The following KCNQ3 variants were observed in gnomAD, a reference collection of about 807,000 sequenced individuals.
KCNQ3 encodes potassium voltage-gated channel subfamily KQT member 3.
KCNQ3 carries 30 observed loss-of-function variants against 92.5 expected under a neutral mutation model. The observed-to-expected ratio is 0.32, with a 90% CI of 0.24 to 0.44. The LOEUF (loss-of-function observed/expected upper bound fraction) is 0.44, where lower values mean the gene tolerates loss of function less well. Among genes scored for constraint, KCNQ3 ranks in the 20% least tolerant of loss-of-function variants. The pLI is 1.00. For missense variants in KCNQ3, 913 were observed against 1,140.3 expected, an observed-to-expected ratio of 0.80 and a Z score of 2.87; for synonymous variants, 450 against 468.8, an observed-to-expected ratio of 0.96 and a Z score of 0.52.
intron 1 of KCNQ3, among the ~76,000 whole-genome samples, chr8:132,233,049 T>C (rs747063181): frequency 2.0e-5 from 3 of 152,184 alleles, no homozygotes; most frequent in Non-Finnish European, 2.9e-5. Flanking sequence ...TCAAATATCT[T>C]GCCACGTGAG....
intron 1 of KCNQ3, among the ~76,000 whole-genome samples, chr8:132,439,539 A>G (rs1821480680): frequency 1.3e-5 from 2 of 152,182 alleles, no homozygotes; most frequent in Non-Finnish European, 2.9e-5. Flanking sequence ...CTGAAGGAAC[A>G]AAGTATGGTA....
At chr8:132,431,146 G>A (rs1399122080) in intron 1 of KCNQ3, among the ~76,000 whole-genome samples, 1 of 152,054 alleles carries the variant, frequency 6.6e-6, no homozygotes, top group African/African-American at 2.4e-5. Flanking sequence ...GAGGCCTCTT[G>A]CATCCCTTGA....
intron 4 of KCNQ3, among the ~76,000 whole-genome samples, chr8:132,177,450 G>C (rs1826600831): frequency 6.6e-6 from 1 of 152,204 alleles, no homozygotes; most frequent in Non-Finnish European, 1.5e-5. Context: ...AGTGATGGGA[G>C]TGAATCCCTC....
At chr8:132,165,879 C>A (rs1057509067) in intron 8 of KCNQ3, among the ~76,000 whole-genome samples, 48 of 152,314 alleles carry the variant, frequency 3.2e-4, no homozygotes, top group African/African-American at 1.1e-3. Flanking sequence ...CTTCTACTTA[C>A]CTTCCAGGAC....
chr8:132,371,583 G>A (rs1344425230), intron 1 of KCNQ3, among the ~76,000 whole-genome samples: 2 of 152,176 alleles, frequency 1.3e-5, no homozygotes, highest in Admixed American at 1.3e-4. Flanking sequence ...CAGGATTTGT[G>A]AAAGAAATCC....
At chr8:132,233,661 A>G in intron 1 of KCNQ3, among the ~76,000 whole-genome samples, 1 of 152,224 alleles carries the variant, frequency 6.6e-6, no homozygotes. Flanking sequence ...TCTTCCATTC[A>G]TCTCACACAC....
At chr8:132,283,120 T>TA in intron 1 of KCNQ3, among the ~76,000 whole-genome samples, 1 of 151,358 alleles carries the variant, frequency 6.6e-6, no homozygotes, top group African/African-American at 2.4e-5. Context: ...TGTGTGTGTG[T>TA]TTGGTGGAAG....
chr8:132,223,593 T>C lies in KCNQ3; in HGVS notation c.387-37412A>G, dbSNP rs143007323. Among the ~76,000 whole-genome samples the C allele has an allele frequency of 8.1e-3, 1,228 of 152,346 alleles. 6 individuals are homozygous for C. The highest frequency in any genetic ancestry group is 0.013 in the Non-Finnish European group (900 of 68,032). ...AAAGCATGAGTGCAAGCTATTACTATTATTTAGTGCAATGAATGGCATTAA... is the reference window on the plus strand; with the variant it reads ...AAAGCATGAGTGCAAGCTATTACTACTATTTAGTGCAATGAATGGCATTAA... On this transcript the variant is annotated intron_variant, in intron 1 of 14. Transcript: ENST00000388996.
At chr8:132,431,976 C>A (rs1264890224) in intron 1 of KCNQ3, among the ~76,000 whole-genome samples, 1 of 152,198 alleles carries the variant, frequency 6.6e-6, no homozygotes, top group Non-Finnish European at 1.5e-5. Context: ...CAGCTCTAGG[C>A]ATCAATATTG....
chr8:132,124,970 G>T lies in KCNQ3; in HGVS notation c.*4292C>A, dbSNP rs557205573. On this transcript the variant is annotated 3_prime_UTR_variant, in exon 15 of 15. Coordinates refer to ENST00000388996, the MANE Select transcript of KCNQ3 (RefSeq NM_004519.4). Reference sequence around the variant, plus strand: ...TGCCCCAGGAGAATTTGATCTGCAGGTTCCCATAAGTAGAGTAACATCTTT... The same window carrying T: ...TGCCCCAGGAGAATTTGATCTGCAGTTTCCCATAAGTAGAGTAACATCTTT... The T allele has an allele frequency of 6.6e-6, 1 of 152,170 alleles. No individual in the cohort carries two copies. Among genetic ancestry groups the T allele is most frequent in the Admixed American group, 6.5e-5 (1 of 15,276 alleles). The allele number at this position is 152,170 out of a possible 1,614,324, so 9.4% of individuals were successfully genotyped here. A position where few individuals can be genotyped will look rare whatever the true frequency, so the allele number is the denominator to read the frequency against.
intron 1 of KCNQ3, among the ~76,000 whole-genome samples, chr8:132,325,272 G>A (rs1447805942): frequency 6.6e-6 from 1 of 152,170 alleles, no homozygotes; most frequent in East Asian, 1.9e-4. Flanking sequence ...GGATGCAGGA[G>A]AGAGAAGTGT....
At chr8:132,416,712 G>A (rs1404040963) in intron 1 of KCNQ3, among the ~76,000 whole-genome samples, 2 of 152,194 alleles carry the variant, frequency 1.3e-5, no homozygotes, top group African/African-American at 4.8e-5. Context: ...CCACAGAGAG[G>A]AATTAGATAC....
At position 132,447,383 on chromosome 8, in the gene KCNQ3, G is replaced by T. The variant is rs535869736; in HGVS notation, c.386+32764C>A. ...AAGGTTTCTAGGACACAGATGTGGA[G>T]AAGACACTGCAAGAAAGAAGAAAAG... On this transcript the variant is annotated intron_variant, in intron 1 of 14. Coordinates refer to ENST00000388996, the MANE Select transcript of KCNQ3 (RefSeq NM_004519.4). The T allele has an allele frequency of 1.0e-4, 78 of 755,820 alleles. No homozygotes were observed. The African/African-American group carries it at 1.3e-3, about 12-fold the overall frequency. The allele number at this position is 755,820 out of a possible 1,614,324, so 46.8% of individuals were successfully genotyped here.
intron 1 of KCNQ3, among the ~76,000 whole-genome samples, chr8:132,405,915 T>C (rs1820464531): frequency 6.6e-6 from 1 of 152,106 alleles, no homozygotes; most frequent in African/African-American, 2.4e-5. Flanking sequence ...TCCTGAAAAC[T>C]CTACTTCCTA....
chr8:132,468,037 A>C (rs982557914), intron 1 of KCNQ3, among the ~76,000 whole-genome samples: 1 of 152,192 alleles, frequency 6.6e-6, no homozygotes, highest in African/African-American at 2.4e-5. Flanking sequence ...TGATTTTTCT[A>C]AGCTGTCAAG....
chr8:132,281,419 C>A (rs1226999303), intron 1 of KCNQ3, among the ~76,000 whole-genome samples: 1 of 151,990 alleles, frequency 6.6e-6, no homozygotes, highest in African/African-American at 2.4e-5. Context: ...CAAAAACATA[C>A]ACACATATAT....
intron 1 of KCNQ3, among the ~76,000 whole-genome samples, chr8:132,449,623 G>A (rs1821776017): frequency 6.6e-6 from 1 of 152,154 alleles, no homozygotes; most frequent in African/African-American, 2.4e-5. Context: ...CATTGGCCCT[G>A]CCTGGGTCAT....
chr8:132,300,443 T>C (rs552636433), intron 1 of KCNQ3, among the ~76,000 whole-genome samples: 2 of 152,338 alleles, frequency 1.3e-5, no homozygotes, highest in South Asian at 4.1e-4. Context: ...GGAAGGTACA[T>C]TGCAGTTTTC....
chr8:132,333,738 T>TG (rs1472246569), intron 1 of KCNQ3, among the ~76,000 whole-genome samples: 1 of 47,308 alleles, frequency 2.1e-5, no homozygotes, highest in African/African-American at 7.2e-5. Flanking sequence ...TGAAACAAAT[T>TG]TTTTTTTTTT....
Sources: gnomAD v4.1 joint callset for allele counts (sites outside exome capture counted in the v4.1 genomes callset) on GRCh38, gnomAD v4.1.1 for gene constraint, MANE v1.5 for transcripts, NCBI Gene and HGNC (gene_info 2026-07-23, HGNC 2026-07-21) for gene names.